CCSER1: variants seen among roughly 807,000 people sequenced by gnomAD.
CCSER1 encodes the protein coiled-coil serine rich protein 1.
In CCSER1, 41 loss-of-function variants were observed where a neutral mutation model predicts 82.0. That is an observed-to-expected ratio of 0.50 (90% CI 0.39 to 0.65). CCSER1 has a LOEUF of 0.65. Ranked by LOEUF, CCSER1 falls within the 30% of genes least tolerant of loss-of-function variation. CCSER1 has a pLI of 0.00. For synonymous variants in CCSER1, 414 were observed against 383.9 expected, an observed-to-expected ratio of 1.08 and a Z score of -0.92; for missense variants, 1,119 against 1,064.2, an observed-to-expected ratio of 1.05 and a Z score of -0.72.
At chr4:91,022,049 G>A (rs1740027029) in intron 9 of CCSER1, among the ~76,000 whole-genome samples, 1 of 151,868 alleles carries the variant, frequency 6.6e-6, no homozygotes, top group Non-Finnish European at 1.5e-5. Flanking sequence ...CGTGCACAAT[G>A]TGCAGGTTAG....
rs200590923 is a variant in CCSER1 at position 90,916,003 on chromosome 4, T to G, written c.2095-7367T>G. Among the ~76,000 whole-genome samples, 526 of 152,046 alleles carry G rather than the reference T, an allele frequency of 3.5e-3. 6 individuals carry two copies. Among genetic ancestry groups the G allele is most frequent in the East Asian group, 0.033 (169 of 5,172 alleles). On this transcript the variant is annotated intron_variant, in intron 8 of 10. Coordinates refer to ENST00000509176, the MANE Select transcript of CCSER1 (RefSeq NM_001145065.2). ...AGGAGAACTTCAAACCACTGCTCAA[T>G]GAAATAAAAGAGGACACAAACAAAT...
chr4:90,432,578 C>CCTCT (rs765341610), intron 4 of CCSER1, among the ~76,000 whole-genome samples: 1 of 150,762 alleles, frequency 6.6e-6, no homozygotes, highest in Non-Finnish European at 1.5e-5. Flanking sequence ...TTCCTTCTTT[C>CCTCT]CTCTCTCTCT....
At chr4:91,076,340 T>C (rs376811306) in intron 9 of CCSER1, among the ~76,000 whole-genome samples, 13 of 152,230 alleles carry the variant, frequency 8.5e-5, no homozygotes, top group African/African-American at 3.1e-4. Context: ...AGTTTTTTTT[T>C]TTTCCACTAA....
At chr4:91,365,537 A>G (rs1424887019) in intron 10 of CCSER1, among the ~76,000 whole-genome samples, 1 of 152,246 alleles carries the variant, frequency 6.6e-6, no homozygotes, top group African/African-American at 2.4e-5. Context: ...TTTCAGTGGT[A>G]CAGAATCAGA....
chr4:91,514,690 A>G (rs1233309089), intron 10 of CCSER1, among the ~76,000 whole-genome samples: 1 of 152,112 alleles, frequency 6.6e-6, no homozygotes, highest in South Asian at 2.1e-4. Context: ...CACAATGTGC[A>G]GGGTGAGTCA....
At chr4:90,315,606 T>G (rs1225309525) in intron 3 of CCSER1, among the ~76,000 whole-genome samples, 1 of 151,962 alleles carries the variant, frequency 6.6e-6, no homozygotes, top group Non-Finnish European at 1.5e-5. Context: ...CCGGTTCAAG[T>G]GATTCTTGTG....
At chr4:90,932,186 G>T (rs1393909046) in intron 9 of CCSER1, among the ~76,000 whole-genome samples, 1 of 151,996 alleles carries the variant, frequency 6.6e-6, no homozygotes, top group East Asian at 1.9e-4. Flanking sequence ...TTATAAAGTT[G>T]ATCTATTATA....
intron 9 of CCSER1, among the ~76,000 whole-genome samples, chr4:91,030,704 A>T (rs1260651163): frequency 2.6e-5 from 4 of 152,102 alleles, no homozygotes; most frequent in African/African-American, 4.8e-5. Flanking sequence ...CAATGCAAAA[A>T]TGTATATAGA....
chr4:90,313,308 A>G (rs1366892383), intron 3 of CCSER1, among the ~76,000 whole-genome samples: 3 of 152,190 alleles, frequency 2.0e-5, no homozygotes, highest in African/African-American at 7.2e-5. Context: ...AGAACAAGAC[A>G]CTTGAATACA....
At chr4:91,071,776 A>G (rs550186275) in intron 9 of CCSER1, among the ~76,000 whole-genome samples, 15 of 152,144 alleles carry the variant, frequency 9.9e-5, no homozygotes, top group Non-Finnish European at 2.1e-4. Flanking sequence ...GATGTGACAT[A>G]TCACACATTA....
In CCSER1 at chr4:91,383,628, A is replaced by G. The variant is rs762260791; in HGVS notation, c.2218-214944A>G. Among the ~76,000 whole-genome samples, 4 of 152,268 alleles carry G rather than the reference A, an allele frequency of 2.6e-5. No homozygotes were observed. In the South Asian group the frequency reaches 6.2e-4, roughly 24 times the overall value. On this transcript the variant is annotated intron_variant, in intron 10 of 10. Coordinates refer to ENST00000509176, the MANE Select transcript of CCSER1 (RefSeq NM_001145065.2). ...TTGTGCTATAGTTTCAAAGTTGAGT[A>G]ATTACAACAGAAAACATTTGGCTTG...
At chr4:91,552,538 G>C (rs1414154516) in intron 10 of CCSER1, among the ~76,000 whole-genome samples, 1 of 151,570 alleles carries the variant, frequency 6.6e-6, no homozygotes, top group Non-Finnish European at 1.5e-5. Flanking sequence ...TAGAGCTAGA[G>C]GTCCCTCTAA....
At chr4:90,185,249 A>G (rs1734411278) in intron 1 of CCSER1, among the ~76,000 whole-genome samples, 3 of 152,030 alleles carry the variant, frequency 2.0e-5, no homozygotes, top group Admixed American at 1.3e-4. Flanking sequence ...CATTCAACAG[A>G]TGCCTTCTGA....
chr4:91,525,150 G>T lies in CCSER1; in HGVS notation c.2218-73422G>T, dbSNP rs142398996. 3.0e-4 allele frequency among the ~76,000 whole-genome samples: 45 copies of T among 152,088 alleles called. No individual in the cohort carries two copies. In the East Asian group the frequency reaches 8.3e-3, roughly 28 times the overall value. ...GAAGTTCCAGGTTTAAGATAGTTGA[G>T]GCTAATTGAAATATAATAAGAAATA... On this transcript the variant is annotated intron_variant, in intron 10 of 10. Transcript: ENST00000509176.
At chr4:91,036,679 A>T (rs1741458451) in intron 9 of CCSER1, among the ~76,000 whole-genome samples, 1 of 152,208 alleles carries the variant, frequency 6.6e-6, no homozygotes. Flanking sequence ...TTAAAAATAG[A>T]TACATTTTTC....
chr4:91,035,520 C>A (rs547479899), intron 9 of CCSER1, among the ~76,000 whole-genome samples: 3 of 152,062 alleles, frequency 2.0e-5, no homozygotes, highest in Non-Finnish European at 4.4e-5. Context: ...GGATTATTAT[C>A]GCGGAAATCT....
rs1737233167 is a variant in CCSER1 at position 91,216,302 on chromosome 4, G to A, written c.2217+130308G>A. ...ATGAGTAACATGATGCATTAAGTAG[G>A]GAAACACTGACTTTATAGCATTTTT... On this transcript the variant is annotated intron_variant, in intron 10 of 10. Transcript: ENST00000509176. 3.9e-5 allele frequency among the ~76,000 whole-genome samples: 6 copies of A among 152,186 alleles called. No homozygotes were observed. The South Asian group carries it at 1.0e-3, about 26-fold the overall frequency.
intron 1 of CCSER1, among the ~76,000 whole-genome samples, chr4:90,156,495 T>C (rs1728207826): frequency 6.6e-6 from 1 of 152,194 alleles, no homozygotes; most frequent in South Asian, 2.1e-4. Flanking sequence ...CCATTATTAA[T>C]GTTTGGGAGT....
rs577023634 is a variant in CCSER1, at chr4:91,403,071, T to A, written c.2218-195501T>A. 6.6e-5 allele frequency among the ~76,000 whole-genome samples: 10 copies of A among 152,330 alleles called. No individual in the cohort carries two copies. In the East Asian group the frequency reaches 1.7e-3, roughly 26 times the overall value. ...TTGTTTGTGTCTTCTTCTATTTCGT[T>A]GAGCAGTGGTTTGTAGTTTTCCTTG... is the stretch of plus-strand genomic sequence containing the variant. On this transcript the variant is annotated intron_variant, in intron 10 of 10. Transcript: ENST00000509176.
Sources: gnomAD v4.1 joint callset for allele counts (sites outside exome capture counted in the v4.1 genomes callset) on GRCh38, gnomAD v4.1.1 for gene constraint, MANE v1.5 for transcripts, NCBI Gene and HGNC (gene_info 2026-07-23, HGNC 2026-07-21) for gene names.